FOXP1: variants seen among roughly 807,000 people sequenced by gnomAD.
The protein encoded by FOXP1 is forkhead box protein P1.
Under a neutral mutation model 98.2 loss-of-function variants are expected in FOXP1, and 15 were observed. That is an observed-to-expected ratio of 0.15 (90% confidence interval 0.10 to 0.24). The LOEUF (loss-of-function observed/expected upper bound fraction) is 0.24. Ranked by LOEUF, FOXP1 falls within the 10% of genes least tolerant of loss-of-function variation. The pLI is 1.00. For missense variants in FOXP1, 633 were observed against 848.5 expected, an observed-to-expected ratio of 0.75 and a Z score of 3.15; for synonymous variants, 371 against 314.5, an observed-to-expected ratio of 1.18 and a Z score of -1.90.
chr3:71,492,628 A>T (rs538898161), intron 3 of FOXP1, among the ~76,000 whole-genome samples: 7 of 152,148 alleles, frequency 4.6e-5, no homozygotes, highest in Non-Finnish European at 4.4e-5. Flanking sequence ...GGGTCTTACC[A>T]ATTAAATGCT....
intron 3 of FOXP1, among the ~76,000 whole-genome samples, chr3:71,408,707 C>T (rs7640164): frequency 0.59 from 90,244 of 152,000 alleles, 29,172 homozygotes; most frequent in Non-Finnish European, 0.74. Flanking sequence ...TAAAGGCAAT[C>T]CTTTTCATTT....
intron 3 of FOXP1, among the ~76,000 whole-genome samples, chr3:71,428,215 A>G (rs1176462764): frequency 1.3e-5 from 2 of 152,210 alleles, no homozygotes; most frequent in Non-Finnish European, 2.9e-5. Context: ...GAAAAGACTG[A>G]ACATCATTCT....
chr3:71,524,827 A>G (rs565822899), intron 2 of FOXP1, among the ~76,000 whole-genome samples: 1 of 152,330 alleles, frequency 6.6e-6, no homozygotes, highest in South Asian at 2.1e-4. Context: ...AGAAATGCAG[A>G]CTTGCCTGCT....
At chr3:71,433,416 G>T (rs887467479) in intron 3 of FOXP1, among the ~76,000 whole-genome samples, 1 of 152,216 alleles carries the variant, frequency 6.6e-6, no homozygotes, top group Admixed American at 6.5e-5. Flanking sequence ...TGAAATGCAC[G>T]TGCAATTGAT....
rs559309217 is a variant in FOXP1 at position 71,155,247 on chromosome 3, G to A, written c.181-42610C>T. ...CTAGAAAATACATATAAACCAAGCAGTGCTCGGGTGCCCTCTGAAACACAA... is the reference window on the plus strand; with the variant it reads ...CTAGAAAATACATATAAACCAAGCAATGCTCGGGTGCCCTCTGAAACACAA... On this transcript the variant is annotated intron_variant, in intron 6 of 20. Transcript: ENST00000649528. 5.3e-5 allele frequency among the ~76,000 whole-genome samples: 8 copies of A among 152,292 alleles called. 1 individual carries two copies. The South Asian group carries it at 1.5e-3, about 28-fold the overall frequency.
At chr3:71,567,684 T>C (rs2047010053) in intron 2 of FOXP1, among the ~76,000 whole-genome samples, 1 of 152,140 alleles carries the variant, frequency 6.6e-6, no homozygotes, top group South Asian at 2.1e-4. Flanking sequence ...CTCTACTTGA[T>C]GGGGCTCGAT....
intron 5 of FOXP1, among the ~76,000 whole-genome samples, chr3:71,276,748 G>T (rs76147694): frequency 0.014 from 2,081 of 152,134 alleles, 52 homozygotes; most frequent in African/African-American, 0.047. Flanking sequence ...TCATTTCGGG[G>T]TGTTAGGAAT....
chr3:71,557,957 T>C (rs1425899860), intron 2 of FOXP1, among the ~76,000 whole-genome samples: 1 of 151,998 alleles, frequency 6.6e-6, no homozygotes, highest in Admixed American at 6.6e-5. Flanking sequence ...GCTGGAATTA[T>C]AGGCATGAGC....
In FOXP1 at chr3:71,422,505, C is replaced by A. The variant is rs549096125; in HGVS notation, c.-167-63261G>T. 2.5e-3 allele frequency among the ~76,000 whole-genome samples: 375 copies of A among 152,332 alleles called. 2 individuals carry two copies. Among genetic ancestry groups the A allele is most frequent in the African/African-American group, 8.7e-3 (362 of 41,570 alleles). On this transcript the variant is annotated intron_variant, in intron 3 of 20. Coordinates refer to ENST00000649528, the MANE Select transcript of FOXP1 (RefSeq NM_001349338.3). ...CAGTGAGGGCATGGGGTCCCTCCCCCACGTCCTCACCTCTCTTCTCACCCT... is the reference window on the plus strand; with the variant it reads ...CAGTGAGGGCATGGGGTCCCTCCCCAACGTCCTCACCTCTCTTCTCACCCT...
At chr3:71,566,772 G>A (rs1400406538) in intron 2 of FOXP1, among the ~76,000 whole-genome samples, 1 of 152,128 alleles carries the variant, frequency 6.6e-6, no homozygotes, top group Admixed American at 6.6e-5. Context: ...CCTCCTGAAG[G>A]CGCTGGGCTG....
At chr3:71,129,653 T>G (rs556629442) in intron 6 of FOXP1, among the ~76,000 whole-genome samples, 1 of 151,730 alleles carries the variant, frequency 6.6e-6, no homozygotes, top group East Asian at 1.9e-4. Flanking sequence ...AAGGGGGGTG[T>G]GGAGGGAGGG....
At chr3:71,338,577 G>A (rs994423823) in intron 4 of FOXP1, among the ~76,000 whole-genome samples, 4 of 152,022 alleles carry the variant, frequency 2.6e-5, no homozygotes, top group African/African-American at 4.8e-5. Context: ...ACAGGGGCCC[G>A]CCACCATGCC....
chr3:71,128,741 T>G (rs1437732668), intron 6 of FOXP1, among the ~76,000 whole-genome samples: 1 of 152,134 alleles, frequency 6.6e-6, no homozygotes, highest in Admixed American at 6.5e-5. Flanking sequence ...CTAAGTGAAC[T>G]GTCTAGAAAA....
At chr3:71,126,884 CAA>C (rs1575879348) in intron 6 of FOXP1, among the ~76,000 whole-genome samples, 3 of 80,356 alleles carry the variant, frequency 3.7e-5, no homozygotes, top group African/African-American at 1.2e-4. Context: ...AAAAAAAAAA[CAA>C]AAACAAAAAA....
At chr3:70,960,719 A>G (rs979908182) in intron 20 of FOXP1, among the ~76,000 whole-genome samples, 2 of 150,338 alleles carry the variant, frequency 1.3e-5, no homozygotes, top group Non-Finnish European at 2.9e-5. Flanking sequence ...AACCATTTAA[A>G]AACAAACAGA....
intron 11 of FOXP1, among the ~76,000 whole-genome samples, chr3:71,032,028 T>C (rs879481237): frequency 6.6e-6 from 1 of 152,222 alleles, no homozygotes; most frequent in Admixed American, 6.5e-5. Context: ...AGAGAGTACA[T>C]GTGAGTGTGT....
At chr3:71,406,817 C>T (rs971011520) in intron 3 of FOXP1, among the ~76,000 whole-genome samples, 1 of 152,048 alleles carries the variant, frequency 6.6e-6, no homozygotes, top group Non-Finnish European at 1.5e-5. Context: ...CACATTCTGA[C>T]AATAACGTGA....
chr3:71,115,266 A>G lies in FOXP1; in HGVS notation c.181-2629T>C, dbSNP rs375432932. On this transcript the variant is annotated intron_variant, in intron 6 of 20. Transcript: ENST00000649528. ...ATGAAGACTCTATATAACTTACCAC[A>G]TTCCACCAAATACTGGGAGAATGGG... is the stretch of plus-strand genomic sequence containing the variant. Among the ~76,000 whole-genome samples the G allele has an allele frequency of 3.3e-5, 5 of 151,928 alleles. No individual in the cohort carries two copies. In the East Asian group the frequency reaches 5.8e-4, roughly 18 times the overall value.
intron 5 of FOXP1, among the ~76,000 whole-genome samples, chr3:71,248,099 A>G (rs372100715): frequency 1.1e-4 from 16 of 152,176 alleles, no homozygotes; most frequent in African/African-American, 3.9e-4. Context: ...TCAATTACAC[A>G]AGCCAATTAA....
Sources: gnomAD v4.1 joint callset for allele counts (sites outside exome capture counted in the v4.1 genomes callset) on GRCh38, gnomAD v4.1.1 for gene constraint, MANE v1.5 for transcripts, NCBI Gene and HGNC (gene_info 2026-07-23, HGNC 2026-07-21) for gene names.